PNPLA1: variants seen among roughly 807,000 people sequenced by gnomAD.
The protein encoded by PNPLA1 is omega-hydroxyceramide transacylase.
Under a neutral mutation model 51.7 loss-of-function variants are expected in PNPLA1, and 36 were observed. The observed-to-expected ratio is 0.70, with a 90% CI of 0.53 to 0.92. The LOEUF is 0.92. PNPLA1 is among the 40% of genes least tolerant of loss of function. The probability of loss-of-function intolerance (pLI) is 0.00; values close to 1 mark genes in which losing one functional copy is unlikely to be tolerated. For synonymous variants in PNPLA1, 293 were observed against 280.1 expected, an observed-to-expected ratio of 1.05 and a Z score of -0.46; for missense variants, 658 against 682.5, an observed-to-expected ratio of 0.96 and a Z score of 0.40.
chr6:36,266,436 T>C (rs1271445121), upstream of PNPLA1, among the ~76,000 whole-genome samples: 1 of 152,224 alleles, frequency 6.6e-6, no homozygotes, highest in Non-Finnish European at 1.5e-5. Context: ...CCCAGGACAG[T>C]GTCTCTGTCA....
chr6:36,270,813 G>A (rs767346334), intron 1 of PNPLA1, 149 bp downstream of exon 1: 2 of 969,284 alleles, frequency 2.1e-6, no homozygotes. Context: ...GAGTAGGATA[G>A]CGGCAGCTGT....
At position 36,313,431 on chromosome 6, in the gene PNPLA1, G is replaced by A. The variant is rs1207679604; in HGVS notation, c.*1545G>A. 6.6e-6 allele frequency among the ~76,000 whole-genome samples: 1 copy of A among 152,254 alleles called. No homozygotes were observed. Among genetic ancestry groups the A allele is most frequent in the South Asian group, 2.1e-4 (1 of 4,828 alleles). Reference sequence around the variant, plus strand: ...TGAAATGCAAAACCCAGAATGAATGGGTGGAGGACCATACTAAACTGCCCT... The same window carrying A: ...TGAAATGCAAAACCCAGAATGAATGAGTGGAGGACCATACTAAACTGCCCT... On this transcript the variant is annotated 3_prime_UTR_variant, in exon 9 of 9. Transcript: ENST00000636260.
intron 1 of PNPLA1, among the ~76,000 whole-genome samples, chr6:36,286,559 C>T (rs1770493419): frequency 6.7e-6 from 1 of 150,364 alleles, no homozygotes; most frequent in Non-Finnish European, 1.5e-5. Flanking sequence ...CAGAGGGAGA[C>T]CCTGTCTCTA....
chr6:36,295,319 T>C, intron 4 of PNPLA1, 45 bp from the exon 5 acceptor site: 1 of 1,606,878 alleles, frequency 6.2e-7, no homozygotes, highest in African/African-American at 1.3e-5. Flanking sequence ...GTGGCTCCCT[T>C]CCTCCCCGCA....
intron 1 of PNPLA1, among the ~76,000 whole-genome samples, chr6:36,274,024 T>C (rs1009328379): frequency 3.3e-5 from 5 of 152,156 alleles, no homozygotes; most frequent in African/African-American, 1.2e-4. Context: ...CTTGTCAATG[T>C]CACTCCAGTC....
At chr6:36,263,790 T>C (rs1349992727) in intron 1 of PNPLA1, among the ~76,000 whole-genome samples, 1 of 152,190 alleles carries the variant, frequency 6.6e-6, no homozygotes, top group Non-Finnish European at 1.5e-5. Flanking sequence ...CTCTCATATG[T>C]AAACTAGCCC....
intron 1 of PNPLA1, among the ~76,000 whole-genome samples, chr6:36,282,233 GGAAA>G (rs1174054104): frequency 7.2e-6 from 1 of 138,144 alleles, no homozygotes; most frequent in Non-Finnish European, 1.6e-5. Flanking sequence ...AAGGAAGGAA[GGAAA>G]GAAAGAAAGA....
upstream of PNPLA1, among the ~76,000 whole-genome samples, chr6:36,269,969 C>G (rs1443350643): frequency 6.6e-6 from 1 of 152,212 alleles, no homozygotes; most frequent in Non-Finnish European, 1.5e-5. Flanking sequence ...GCCGCAGCAG[C>G]ATGTTGGGGA....
intron 1 of PNPLA1, among the ~76,000 whole-genome samples, chr6:36,271,807 G>A (rs563311291): frequency 6.6e-6 from 1 of 152,234 alleles, no homozygotes; most frequent in Non-Finnish European, 1.5e-5. Flanking sequence ...CCTAAGGGAG[G>A]GGGAGCACAG....
rs115437913 is a variant in PNPLA1 at position 36,270,388 on chromosome 6, G to A, written c.-72G>A. On this transcript the variant is annotated 5_prime_UTR_variant, in exon 1 of 9. Coordinates refer to ENST00000636260, the MANE Select transcript of PNPLA1 (RefSeq NM_001374623.1). ...TGGGTAGGGAGTTCCTACAGGGAGC[G>A]GCAGCCCAGGCTCGGGCAGGCAAGT... 5,873 of 1,481,340 alleles carry A rather than the reference G, an allele frequency of 4.0e-3. 147 individuals carry two copies. In the African/African-American group the frequency reaches 0.057, roughly 14 times the overall value. 91.8% of individuals were successfully genotyped at this position (1,481,340 alleles called of 1,614,324 possible). A position where few individuals can be genotyped will look rare whatever the true frequency, so the allele number is the denominator to read the frequency against.
At chr6:36,250,754 A>G (rs2127310986) in intron 1 of PNPLA1, among the ~76,000 whole-genome samples, 1 of 152,300 alleles carries the variant, frequency 6.6e-6, no homozygotes, top group African/African-American at 2.4e-5. Context: ...GCCAGGCTAG[A>G]GTGCAGTGGC....
intron 1 of PNPLA1, among the ~76,000 whole-genome samples, chr6:36,248,150 C>G (rs1473365958): frequency 6.6e-6 from 1 of 152,022 alleles, no homozygotes; most frequent in Non-Finnish European, 1.5e-5. Flanking sequence ...TGGTGTAATC[C>G]ACACCGAACA....
chr6:36,282,759 C>T (rs1770358233), intron 1 of PNPLA1, among the ~76,000 whole-genome samples: 1 of 152,194 alleles, frequency 6.6e-6, no homozygotes, highest in Admixed American at 6.5e-5. Flanking sequence ...GATCTCAGCT[C>T]ACTGCAACCT....
At chr6:36,249,082 G>A (rs1053597573) in intron 1 of PNPLA1, among the ~76,000 whole-genome samples, 3 of 152,116 alleles carry the variant, frequency 2.0e-5, no homozygotes, top group African/African-American at 4.8e-5. Context: ...CTAGTCATGG[G>A]ATCCCACAGC....
Position 36,302,126 on chromosome 6 carries a change from C to T in PNPLA1, c.1041C>T (p.Val347=). 4 of 1,614,242 alleles carry T rather than the reference C, an allele frequency of 2.5e-6. No homozygotes were observed. The highest frequency in any genetic ancestry group is 3.4e-6 in the Non-Finnish European group (4 of 1,180,042). Residue 347 remains valine, a synonymous_variant, in exon 6 of 9, where the codon GTC becomes GTT. Coordinates refer to ENST00000636260, the MANE Select transcript of PNPLA1 (RefSeq NM_001374623.1). The part of the protein sequence containing the change: ...FTCESPVSAP[V]SPLEQPPAQP... ...GCGAGTCACCTGTTTCAGCACCAGT[C>T]TCTCCACTTGAGCAGCCACCTGCAC... is the stretch of plus-strand genomic sequence containing the variant.
upstream of PNPLA1, among the ~76,000 whole-genome samples, chr6:36,268,985 G>A (rs945598239): frequency 5.3e-5 from 8 of 151,162 alleles, no homozygotes; most frequent in Non-Finnish European, 1.0e-4. Context: ...ACGCATGTAC[G>A]CACACACACT....
chr6:36,284,163 C>A (rs1478776116), intron 1 of PNPLA1, among the ~76,000 whole-genome samples: 1 of 152,188 alleles, frequency 6.6e-6, no homozygotes, highest in Non-Finnish European at 1.5e-5. Flanking sequence ...TGAGGGCAAG[C>A]AAAGAGTCCT....
In PNPLA1 at chr6:36,291,333, A is replaced by G; in HGVS notation, c.219A>G (p.Arg73=). 2 of 1,614,014 alleles carry G rather than the reference A, an allele frequency of 1.2e-6. No individual in the cohort carries two copies. Among genetic ancestry groups the G allele is most frequent in the African/African-American group, 2.7e-5 (2 of 75,042 alleles). ...ICGIEMDEYL[R]VLNVGVAEVK... is the part of the protein sequence containing the mutation. ...CTTCCTTTGCAGATGAGTATCTCAG[A>G]GTCCTCAACGTGGGTGTGGCCGAGG... The change falls in exon 2 of 9, where the codon AGA becomes AGG. Residue 73 remains arginine (R), a synonymous_variant. Coordinates refer to ENST00000636260, the MANE Select transcript of PNPLA1 (RefSeq NM_001374623.1).
rs372538424 is a variant in PNPLA1 at position 36,302,063 on chromosome 6, G to A, written c.978G>A (p.Pro326=). 26 of 1,614,062 alleles carry A rather than the reference G, an allele frequency of 1.6e-5. No homozygotes were observed. The highest frequency in any genetic ancestry group is 4.4e-5 in the South Asian group (4 of 91,088). Residue 326 remains proline, a synonymous_variant, in exon 6 of 9, where the codon CCG becomes CCA. Transcript: ENST00000636260. ...GGGATGGAAGGGGCAGCCATGGTCC[G>A]CCTGTGTCCCAACCTGTGCAGACAC... The part of the protein sequence containing the change: ...PKGDGRGSHG[P]PVSQPVQTLE...
Sources: allele counts gnomAD v4.1 joint callset (sites outside exome capture counted in the v4.1 genomes callset), GRCh38; gene constraint gnomAD v4.1.1; transcripts MANE v1.5; gene names NCBI Gene and HGNC (gene_info 2026-07-23, HGNC 2026-07-21).